Variants in ZNF618 observed in about 807,000 individuals in gnomAD.
The protein encoded by ZNF618 is zinc finger protein 618.
Under a neutral mutation model 103.0 loss-of-function variants are expected in ZNF618, and 34 were observed. That is an observed-to-expected ratio of 0.33 (90% confidence interval 0.25 to 0.44). ZNF618 has a LOEUF of 0.44. Ranked by LOEUF, ZNF618 falls within the 20% of genes least tolerant of loss-of-function variation. ZNF618 has a pLI of 1.00. For synonymous variants in ZNF618, 551 were observed against 542.2 expected, an observed-to-expected ratio of 1.02 and a Z score of -0.23; for missense variants, 1,059 against 1,295.4, an observed-to-expected ratio of 0.82 and a Z score of 2.80.
At chr9:114,039,231 C>G (rs946448795) in intron 13 of ZNF618, among the ~76,000 whole-genome samples, 1 of 152,076 alleles carries the variant, frequency 6.6e-6, no homozygotes, top group African/African-American at 2.4e-5. Flanking sequence ...CCAGGAGGAC[C>G]GCAGCTAAGA....
chr9:113,933,773 G>T (rs766388220), intron 1 of ZNF618, among the ~76,000 whole-genome samples: 6 of 152,144 alleles, frequency 3.9e-5, no homozygotes, highest in African/African-American at 7.2e-5. Flanking sequence ...GAGGTCTAAA[G>T]ATGGAAAGAT....
intron 1 of ZNF618, among the ~76,000 whole-genome samples, chr9:113,885,789 C>T (rs1356317926): frequency 6.6e-6 from 1 of 152,146 alleles, no homozygotes; most frequent in Non-Finnish European, 1.5e-5. Context: ...ACTGGAGAAA[C>T]ATGTTGGCGA....
chr9:113,889,595 A>G (rs1229767125), intron 1 of ZNF618, among the ~76,000 whole-genome samples: 1 of 152,200 alleles, frequency 6.6e-6, no homozygotes. Flanking sequence ...CCATCTGTCT[A>G]TGGAGGCGTG....
chr9:113,969,641 G>A (rs1473822094), intron 2 of ZNF618, among the ~76,000 whole-genome samples: 6 of 152,232 alleles, frequency 3.9e-5, no homozygotes, highest in Non-Finnish European at 8.8e-5. Context: ...CTCAAGGATG[G>A]CAGGAGAGGG....
chr9:113,911,782 C>T (rs937357752), intron 1 of ZNF618, among the ~76,000 whole-genome samples: 2 of 152,096 alleles, frequency 1.3e-5, no homozygotes, highest in African/African-American at 4.8e-5. Flanking sequence ...GCTGTACCCT[C>T]GACAGCCCAA....
rs747412238 is a variant in ZNF618 at position 114,051,008 on chromosome 9, G to A, written c.*841G>A. 3 of 152,580 alleles carry A rather than the reference G, an allele frequency of 2.0e-5. No individual in the cohort carries two copies. The highest frequency in any genetic ancestry group is 7.2e-5 in the African/African-American group (3 of 41,432). The allele number at this position is 152,580 out of a possible 1,614,324, so 9.5% of individuals were successfully genotyped here. On this transcript the variant is annotated 3_prime_UTR_variant, in exon 15 of 15. Coordinates refer to ENST00000374126, the MANE Select transcript of ZNF618 (RefSeq NM_001318042.2). ...TTTTTAATATAAGAGAGGAGAAAAA[G>A]ACATTTTTCAGAGAAGTATAGATAC...
At chr9:113,997,052 C>T (rs1312404117) in intron 3 of ZNF618, among the ~76,000 whole-genome samples, 2 of 138,484 alleles carry the variant, frequency 1.4e-5, no homozygotes, top group Non-Finnish European at 3.2e-5. Context: ...GGTTCTCTCT[C>T]TCTCTTTCTT....
chr9:114,047,073 T>G (rs1845716701), intron 13 of ZNF618, among the ~76,000 whole-genome samples: 1 of 152,196 alleles, frequency 6.6e-6, no homozygotes, highest in Non-Finnish European at 1.5e-5. Flanking sequence ...TGGCCATGGG[T>G]AGTGACAAGA....
Position 114,049,353 on chromosome 9 carries a change from C to T in ZNF618, c.2051C>T (p.Ser684Leu), listed in dbSNP as rs1256027603. The change falls in exon 15 of 15, where the codon TCG (serine) becomes TTG (leucine). Residue 684 changes from serine to leucine, a missense_variant. By Grantham distance (145) the Ser-to-Leu change is moderately radical. Coordinates refer to ENST00000374126, the MANE Select transcript of ZNF618 (RefSeq NM_001318042.2). ...STGLAKETFG[S>L]LEETSPPPCW... The stretch of plus-strand genomic sequence containing the variant: ...GGCCTGGCCAAGGAGACCTTCGGGT[C>T]GCTGGAGGAGACGTCTCCACCACCC... 8 of 1,609,620 alleles carry T rather than the reference C, an allele frequency of 5.0e-6. No individual in the cohort carries two copies. The highest frequency in any genetic ancestry group is 5.1e-6 in the Non-Finnish European group (6 of 1,178,656).
rs141859454 is a variant in ZNF618, at chr9:113,997,386, C to T, written c.338-873C>T. ...GGCCTCCCAAAATGCTGAGATTCAC[C>T]GCGCACAGCCCACAAGCACCATTTC... On this transcript the variant is annotated intron_variant, in intron 3 of 14. Transcript: ENST00000374126. Among the ~76,000 whole-genome samples, 252 of 152,240 alleles carry T rather than the reference C, an allele frequency of 1.7e-3. 1 individual carries two copies. Among genetic ancestry groups the T allele is most frequent in the African/African-American group, 5.6e-3 (232 of 41,562 alleles).
intron 13 of ZNF618, among the ~76,000 whole-genome samples, 168 bp downstream of exon 13, chr9:114,036,545 C>T (rs1013547327): frequency 1.3e-5 from 2 of 152,248 alleles, no homozygotes; most frequent in Admixed American, 1.3e-4. Flanking sequence ...GTTATTAACA[C>T]AGGCTGGTCT....
intron 10 of ZNF618, among the ~76,000 whole-genome samples, chr9:114,025,425 C>G (rs1005763468): frequency 3.9e-5 from 6 of 152,234 alleles, no homozygotes; most frequent in African/African-American, 1.4e-4. Context: ...AAATTTTCAG[C>G]TTTCTGGAAA....
intron 1 of ZNF618, among the ~76,000 whole-genome samples, chr9:113,878,471 A>C (rs1009975705): frequency 3.3e-5 from 5 of 152,232 alleles, no homozygotes; most frequent in Admixed American, 1.3e-4. Context: ...AAAATGAATC[A>C]CATGAAGGTG....
At chr9:113,996,738 C>T (rs1406992443) in intron 3 of ZNF618, among the ~76,000 whole-genome samples, 1 of 152,202 alleles carries the variant, frequency 6.6e-6, no homozygotes, top group Non-Finnish European at 1.5e-5. Context: ...TGGGAGCAGT[C>T]CCAGGGCTCT....
At chr9:113,925,298 T>A (rs1450186263) in intron 1 of ZNF618, among the ~76,000 whole-genome samples, 1 of 152,118 alleles carries the variant, frequency 6.6e-6, no homozygotes, top group Non-Finnish European at 1.5e-5. Flanking sequence ...TTCTGCTTTG[T>A]CTGAAATTAA....
chr9:113,927,990 A>G (rs1287408484), intron 1 of ZNF618, among the ~76,000 whole-genome samples: 1 of 152,210 alleles, frequency 6.6e-6, no homozygotes, highest in Non-Finnish European at 1.5e-5. Flanking sequence ...TGATGGATCT[A>G]AAAAGTTGTT....
At chr9:114,009,446 A>G (rs1842048047) in intron 9 of ZNF618, among the ~76,000 whole-genome samples, 1 of 152,120 alleles carries the variant, frequency 6.6e-6, no homozygotes, top group Non-Finnish European at 1.5e-5. Context: ...ACTTGATCCA[A>G]TTTGCATTTT....
chr9:114,035,739 A>ACTCCTCCCTCC (rs1470459067), intron 12 of ZNF618, among the ~76,000 whole-genome samples: 29 of 124,318 alleles, frequency 2.3e-4, no homozygotes, highest in Non-Finnish European at 4.2e-4. Flanking sequence ...GCCCTCCCTC[A>ACTCCTCCCTCC]CTCCTCCCTC....
In ZNF618 at chr9:113,953,720, A is replaced by C. The variant is rs577873202; in HGVS notation, c.34-15397A>C. ...ATATGTTATTCCTGCCTCACTCCAG[A>C]CTCAGGCTTCCGGGAACCTGAGTCA... On this transcript the variant is annotated intron_variant, in intron 1 of 14. Transcript: ENST00000374126. Among the ~76,000 whole-genome samples the C allele has an allele frequency of 1.2e-4, 18 of 152,212 alleles. No homozygotes were observed. In the South Asian group the frequency reaches 3.5e-3, roughly 30 times the overall value.
Sources: gnomAD v4.1 joint callset for allele counts (sites outside exome capture counted in the v4.1 genomes callset) on GRCh38, gnomAD v4.1.1 for gene constraint, MANE v1.5 for transcripts, NCBI Gene and HGNC (gene_info 2026-07-23, HGNC 2026-07-21) for gene names.